The following CYSTM1 variants were observed in gnomAD, a reference collection of about 807,000 sequenced individuals.
CYSTM1 encodes the protein cysteine-rich transmembrane module-containing protein 1.
A neutral mutation model predicts 13.1 loss-of-function variants in CYSTM1; 4 were observed. The observed-to-expected ratio is 0.31, with a 90% CI of 0.15 to 0.70. The LOEUF (loss-of-function observed/expected upper bound fraction) is 0.70. Among genes scored for constraint, CYSTM1 ranks in the 30% least tolerant of loss-of-function variants. CYSTM1 has a pLI of 0.72. For missense variants in CYSTM1, 96 were observed against 121.6 expected, an observed-to-expected ratio of 0.79 and a Z score of 0.99; for synonymous variants, 36 against 42.7, an observed-to-expected ratio of 0.84 and a Z score of 0.62.
chr5:140,180,343 T>C (rs547539142), intron 1 of CYSTM1, among the ~76,000 whole-genome samples: 2 of 152,274 alleles, frequency 1.3e-5, no homozygotes, highest in South Asian at 4.1e-4. Flanking sequence ...GTTGGCCAGG[T>C]CAAGCTCTCT....
intron 2 of CYSTM1, among the ~76,000 whole-genome samples, chr5:140,238,203 G>A (rs1581075032): frequency 1.3e-5 from 2 of 152,250 alleles, no homozygotes; most frequent in Middle Eastern, 3.4e-3. Flanking sequence ...AGAGAGGCTC[G>A]GGAGGCCCAG....
intron 2 of CYSTM1, among the ~76,000 whole-genome samples, chr5:140,226,612 A>ATGT (rs57697155): frequency 2.2e-5 from 2 of 90,812 alleles, no homozygotes; most frequent in South Asian, 4.3e-4. Flanking sequence ...ATATATATAT[A>ATGT]AAAATTAGCC....
chr5:140,214,820 C>T (rs1235157194), intron 2 of CYSTM1, among the ~76,000 whole-genome samples: 5 of 152,280 alleles, frequency 3.3e-5, no homozygotes, highest in South Asian at 4.1e-4. Context: ...CAGGCATTGT[C>T]GGGACCTCCC....
chr5:140,188,256 G>C (rs368201650), intron 1 of CYSTM1, among the ~76,000 whole-genome samples: 16 of 151,682 alleles, frequency 1.1e-4, no homozygotes, highest in Middle Eastern at 3.4e-3. Flanking sequence ...CGGGGGGAAG[G>C]GGGGAGGGTA....
rs1763875368 is a variant in CYSTM1, at chr5:140,175,778, G to T, written c.-21+493G>T. On this transcript the variant is annotated intron_variant, in intron 1 of 2. Transcript: ENST00000261811. This position sits in a 1 kb window ranked among gnomAD's most constrained non-coding sequence, Gnocchi z 4.9. ...GCGGAGCGGAAGTAACTAGTGACTG[G>T]AAGTAACTAGGGAACGCAAAGCCGG... Among the ~76,000 whole-genome samples the T allele has an allele frequency of 6.6e-6, 1 of 152,358 alleles. No homozygotes were observed. Among genetic ancestry groups the T allele is most frequent in the African/African-American group, 2.4e-5 (1 of 41,598 alleles).
chr5:140,198,177 C>T (rs1475807692), intron 2 of CYSTM1, among the ~76,000 whole-genome samples: 1 of 152,222 alleles, frequency 6.6e-6, no homozygotes, highest in African/African-American at 2.4e-5. Flanking sequence ...GTAATCTTCA[C>T]AACAACCCCA....
chr5:140,200,800 C>G (rs1272216016), intron 2 of CYSTM1: 1 of 152,186 alleles, frequency 6.6e-6, no homozygotes. Flanking sequence ...ACCTGATGAT[C>G]CGCCCACCTC....
At chr5:140,204,438 T>G (rs1764272088) in intron 2 of CYSTM1, among the ~76,000 whole-genome samples, 1 of 152,162 alleles carries the variant, frequency 6.6e-6, no homozygotes, top group Non-Finnish European at 1.5e-5. Flanking sequence ...CCTGCTGCTG[T>G]GATACAGCAC....
At chr5:140,243,034 T>G (rs1764769820) in intron 2 of CYSTM1, among the ~76,000 whole-genome samples, 1 of 152,206 alleles carries the variant, frequency 6.6e-6, no homozygotes. Flanking sequence ...CCAACTCTGG[T>G]TGCCTTGGCA....
At chr5:140,237,764 G>C (rs1269361515) in intron 2 of CYSTM1, among the ~76,000 whole-genome samples, 2 of 152,234 alleles carry the variant, frequency 1.3e-5, no homozygotes, top group African/African-American at 4.8e-5. Flanking sequence ...GGACTGATTG[G>C]GGGTGAATGA....
At chr5:140,221,299 C>CA (rs1179937793) in intron 2 of CYSTM1, among the ~76,000 whole-genome samples, 3 of 152,316 alleles carry the variant, frequency 2.0e-5, no homozygotes, top group African/African-American at 7.2e-5. Context: ...GTGAAACCGT[C>CA]ACCACCACTC....
intron 2 of CYSTM1, among the ~76,000 whole-genome samples, chr5:140,204,482 GA>G (rs1019366989): frequency 6.6e-6 from 1 of 151,956 alleles, no homozygotes; most frequent in African/African-American, 2.4e-5. Context: ...ACCACCAAAG[GA>G]AAATATTTCC....
intron 2 of CYSTM1, among the ~76,000 whole-genome samples, chr5:140,213,796 A>C (rs1764398890): frequency 6.6e-6 from 1 of 152,248 alleles, no homozygotes; most frequent in South Asian, 2.1e-4. Flanking sequence ...CTAGGTGTAC[A>C]GTAGGCTATA....
intron 1 of CYSTM1, among the ~76,000 whole-genome samples, chr5:140,184,394 T>TA (rs1763993169): frequency 6.6e-6 from 1 of 151,970 alleles, no homozygotes; most frequent in African/African-American, 2.4e-5. Flanking sequence ...TGGGTTTTTT[T>TA]TTTTTGGCAT....
At chr5:140,177,082 A>AAAAAAAAACAAAC (rs1321337102) in intron 1 of CYSTM1, among the ~76,000 whole-genome samples, 1 of 151,174 alleles carries the variant, frequency 6.6e-6, no homozygotes, top group Non-Finnish European at 1.5e-5. Flanking sequence ...AAAAAAAAAA[A>AAAAAAAAACAAAC]AAAAATCTCT....
intron 2 of CYSTM1, among the ~76,000 whole-genome samples, chr5:140,223,758 A>G (rs750264288): frequency 4.3e-4 from 65 of 152,252 alleles, no homozygotes; most frequent in Non-Finnish European, 6.8e-4. Context: ...TCAGGCAGCT[A>G]TTTCTGGAGC....
intron 2 of CYSTM1, among the ~76,000 whole-genome samples, chr5:140,198,774 C>T (rs1764183925): frequency 6.6e-6 from 1 of 152,210 alleles, no homozygotes; most frequent in African/African-American, 2.4e-5. Context: ...AGTATATCAA[C>T]AGAGTTTTTC....
At chr5:140,198,360 G>A (rs1363748230) in intron 2 of CYSTM1, among the ~76,000 whole-genome samples, 3 of 152,148 alleles carry the variant, frequency 2.0e-5, no homozygotes, top group African/African-American at 7.2e-5. Flanking sequence ...GTGATCTTTC[G>A]TGGGGTCACT....
At chr5:140,193,270 T>C (rs1764113466) in intron 1 of CYSTM1, among the ~76,000 whole-genome samples, 2 of 35,296 alleles carry the variant, frequency 5.7e-5, no homozygotes, top group Non-Finnish European at 1.4e-4. Flanking sequence ...TCCCCAGTAA[T>C]TGTTTGTTTG....
Sources: allele counts gnomAD v4.1 joint callset (sites outside exome capture counted in the v4.1 genomes callset), GRCh38; gene constraint gnomAD v4.1.1; non-coding constraint Gnocchi (gnomAD v3.1); transcripts MANE v1.5; gene names NCBI Gene and HGNC (gene_info 2026-07-23, HGNC 2026-07-21).